The following JRK variants were observed in gnomAD, a reference collection of about 807,000 sequenced individuals.
The protein encoded by JRK is jerky protein homolog.
For synonymous variants in JRK, 303 were observed against 218.1 expected (o/e 1.39, Z -3.43); for missense variants, 720 against 509.2 (o/e 1.41, Z -3.98).
Position 142,663,671 on chromosome 8 carries a change from G to T in JRK, c.*681C>A. 1 of 985,466 alleles carries T rather than the reference G, an allele frequency of 1.0e-6. No homozygotes were observed. Among genetic ancestry groups the T allele is most frequent in the Non-Finnish European group, 1.2e-6 (1 of 829,956 alleles). The allele number at this position is 985,466 out of a possible 1,614,324, so 61.0% of individuals were successfully genotyped here. A position where few individuals can be genotyped will look rare whatever the true frequency, so the allele number is the denominator to read the frequency against. Reference sequence around the variant, plus strand: ...AGGAACTCTACCAAGTCAACTCTCCGTGGGGCCCCCCAACATCTTGGGGCC... The same window carrying T: ...AGGAACTCTACCAAGTCAACTCTCCTTGGGGCCCCCCAACATCTTGGGGCC... On this transcript the variant is annotated 3_prime_UTR_variant, in exon 2 of 2. Coordinates refer to ENST00000612905, the MANE Select transcript of JRK (RefSeq NM_003724.4).
Position 142,663,599 on chromosome 8 carries a change from G to A in JRK, c.*753C>T, listed in dbSNP as rs1029743558. ...CACACAGGGTCCGTGTCCTCTATCC[G>A]GGTGATGAGCAGGGCCTGGTCAGCC... On this transcript the variant is annotated 3_prime_UTR_variant, in exon 2 of 2. Transcript: ENST00000612905. The A allele has an allele frequency of 1.4e-5, 14 of 985,324 alleles. No homozygotes were observed. In the South Asian group the frequency reaches 1.9e-4, roughly 13 times the overall value. The allele number at this position is 985,324 out of a possible 1,614,324, so 61.0% of individuals were successfully genotyped here. A position where few individuals can be genotyped will look rare whatever the true frequency, so the allele number is the denominator to read the frequency against.
rs904677419 is a variant in JRK at position 142,660,051 on chromosome 8, G to A, written c.*4301C>T. The stretch of plus-strand genomic sequence containing the variant: ...GGGCTCATGTGGGAGGCTGGTGGCT[G>A]CCATGGCTGCAGCTCCTGGCCCTGC... On this transcript the variant is annotated 3_prime_UTR_variant, in exon 2 of 2. Transcript: ENST00000612905. 3 of 985,772 alleles carry A rather than the reference G, an allele frequency of 3.0e-6. No individual in the cohort carries two copies. The highest frequency in any genetic ancestry group is 3.6e-6 in the Non-Finnish European group (3 of 830,258). 61.1% of individuals were successfully genotyped at this position (985,772 alleles called of 1,614,324 possible).
In JRK at chr8:142,662,673, C is replaced by T. The variant is rs587772800; in HGVS notation, c.*1679G>A. The T allele has an allele frequency of 1.5e-5, 15 of 985,396 alleles. No homozygotes were observed. The South Asian group carries it at 6.6e-4, about 43-fold the overall frequency. 61.0% of individuals were successfully genotyped at this position (985,396 alleles called of 1,614,324 possible). ...AGGGCTCTGTCAGCAATGACTTTTG[C>T]CCCTGTATCTACAGAGATGTGAAAG... On this transcript the variant is annotated 3_prime_UTR_variant, in exon 2 of 2. Coordinates refer to ENST00000612905, the MANE Select transcript of JRK (RefSeq NM_003724.4).
Position 142,665,538 on chromosome 8 carries a change from G to C in JRK, c.521C>G (p.Ala174Gly). Reference sequence around the variant, plus strand: ...CTGCTCGGCGGACAGCCCGTGCTCAGCAGCCAAGCTCCTGAAAAACGCACA... The same window carrying C: ...CTGCTCGGCGGACAGCCCGTGCTCACCAGCCAAGCTCCTGAAAAACGCACA... ...QFCAFFRSLA[A>G]EHGLSAEQVY... Residue 174 changes from alanine to glycine, a missense_variant, in exon 2 of 2, where the codon GCT (alanine) becomes GGT (glycine). Coordinates refer to ENST00000612905, the MANE Select transcript of JRK (RefSeq NM_003724.4). 1 of 718,296 alleles carries C rather than the reference G, an allele frequency of 1.4e-6. No homozygotes were observed. Among genetic ancestry groups the C allele is most frequent in the South Asian group, 1.5e-5 (1 of 67,612 alleles). 44.5% of individuals were successfully genotyped at this position (718,296 alleles called of 1,614,324 possible). A position where few individuals can be genotyped will look rare whatever the true frequency, so the allele number is the denominator to read the frequency against.
chr8:142,650,007 G>A, the JRK span, among the ~76,000 whole-genome samples: 2 of 152,376 alleles, frequency 1.3e-5, no homozygotes, highest in Non-Finnish European at 2.9e-5. Flanking sequence ...CAGGGGCGGA[G>A]CTGCCCAAGA....
At chr8:142,656,516 T>A (rs185524167), downstream of JRK, among the ~76,000 whole-genome samples, 106 of 126,690 alleles carry the variant, frequency 8.4e-4, no homozygotes, top group African/African-American at 2.7e-3. Context: ...TTGGGCTCCT[T>A]TGAAGGGATA....
In JRK at chr8:142,661,642, A is replaced by G. The variant is rs1265398478; in HGVS notation, c.*2710T>C. On this transcript the variant is annotated 3_prime_UTR_variant, in exon 2 of 2. Coordinates refer to ENST00000612905, the MANE Select transcript of JRK (RefSeq NM_003724.4). ...AGATAAAACGCGGAGGCATTTAAAC[A>G]GGACCAGAGACTTTCTCGCTCTGCT... 2.0e-6 allele frequency: 2 copies of G among 985,316 alleles called. No individual in the cohort carries two copies. The highest frequency in any genetic ancestry group is 2.4e-6 in the Non-Finnish European group (2 of 829,968). The allele number at this position is 985,316 out of a possible 1,614,324, so 61.0% of individuals were successfully genotyped here.
At chr8:142,651,744 C>T in the JRK span, among the ~76,000 whole-genome samples, 1 of 152,174 alleles carries the variant, frequency 6.6e-6, no homozygotes, top group African/African-American at 2.4e-5. Context: ...TATATCATTA[C>T]TGAGTGCTCT....
At chr8:142,649,374 T>C in the JRK span, among the ~76,000 whole-genome samples, 1 of 152,178 alleles carries the variant, frequency 6.6e-6, no homozygotes, top group South Asian at 2.1e-4. Context: ...GAGGTAATTG[T>C]ATCATGGGGG....
Position 142,661,408 on chromosome 8 carries a change from G to A in JRK, c.*2944C>T, listed in dbSNP as rs757225782. ...CTGCCTGTCCCGAGTGAGGACACAG[G>A]AGCGCCCTCAGGCCTGAGCACTCAG... On this transcript the variant is annotated 3_prime_UTR_variant, in exon 2 of 2. Transcript: ENST00000612905. The A allele has an allele frequency of 3.8e-5, 37 of 985,330 alleles. No homozygotes were observed. The highest frequency in any genetic ancestry group is 4.3e-5 in the Non-Finnish European group (36 of 829,956). The allele number at this position is 985,330 out of a possible 1,614,324, so 61.0% of individuals were successfully genotyped here. A position where few individuals can be genotyped will look rare whatever the true frequency, so the allele number is the denominator to read the frequency against.
At chr8:142,648,487 G>C in the JRK span, among the ~76,000 whole-genome samples, 1 of 152,218 alleles carries the variant, frequency 6.6e-6, no homozygotes, top group Non-Finnish European at 1.5e-5. Flanking sequence ...GGCCAACATA[G>C]AGCTCAGGTC....
In JRK at chr8:142,665,463, G is replaced by C. The variant is rs1554635718; in HGVS notation, c.596C>G (p.Pro199Arg). The C allele has an allele frequency of 1.4e-6, 1 of 717,840 alleles. No homozygotes were observed. The highest frequency in any genetic ancestry group is 2.6e-6 in the Non-Finnish European group (1 of 385,096). 44.5% of individuals were successfully genotyped at this position (717,840 alleles called of 1,614,324 possible). The part of the protein sequence containing the change: ...TGLFWRCLPN[P>R]TPEGGAVPGP... ...AGGCACAGCCCCGCCTTCCGGAGTG[G>C]GATTTGGCAGGCACCGCCAGAAAAG... Residue 199 changes from proline to arginine, a missense_variant, in exon 2 of 2, where the codon CCC becomes CGC. Pro to Arg is a moderately radical substitution (Grantham distance 103, BLOSUM62 -2). Coordinates refer to ENST00000612905, the MANE Select transcript of JRK (RefSeq NM_003724.4).
chr8:142,660,478 G>A lies in JRK; in HGVS notation c.*3874C>T, dbSNP rs782161424. ...TGGAGTGCAGAGGCCATAACTCACTGCAGCCTCAAACTCCTGGGCTTGGGG... is the reference window on the plus strand; with the variant it reads ...TGGAGTGCAGAGGCCATAACTCACTACAGCCTCAAACTCCTGGGCTTGGGG... On this transcript the variant is annotated 3_prime_UTR_variant, in exon 2 of 2. Coordinates refer to ENST00000612905, the MANE Select transcript of JRK (RefSeq NM_003724.4). The A allele has an allele frequency of 1.9e-5, 18 of 939,816 alleles. No homozygotes were observed. The highest frequency in any genetic ancestry group is 2.3e-5 in the Non-Finnish European group (18 of 788,428). The allele number at this position is 939,816 out of a possible 1,614,324, so 58.2% of individuals were successfully genotyped here. A position where few individuals can be genotyped will look rare whatever the true frequency, so the allele number is the denominator to read the frequency against.
chr8:142,655,749 G>A (rs587710272), downstream of JRK, among the ~76,000 whole-genome samples: 82 of 152,334 alleles, frequency 5.4e-4, no homozygotes, highest in South Asian at 0.012. Flanking sequence ...CCCACTAAGC[G>A]CGTTCTGCCT....
At position 142,658,715 on chromosome 8, in the gene JRK, G is replaced by A. The variant is rs1554634067; in HGVS notation, c.*5637C>T. ...GGGTTTCAACATATAAACTTTGGGG[G>A]GGGACACAAACATGCAGTCCTTAAC... On this transcript the variant is annotated 3_prime_UTR_variant, in exon 2 of 2. Transcript: ENST00000612905. 8 of 1,394,228 alleles carry A rather than the reference G, an allele frequency of 5.7e-6. No individual in the cohort carries two copies. Among genetic ancestry groups the A allele is most frequent in the Non-Finnish European group, 6.6e-6 (7 of 1,059,094 alleles). 86.4% of individuals were successfully genotyped at this position (1,394,228 alleles called of 1,614,324 possible).
rs192306803 is a variant in JRK at position 142,661,622 on chromosome 8, A to G, written c.*2730T>C. 5.8e-4 allele frequency: 575 copies of G among 985,414 alleles called. 1 individual carries two copies. The African/African-American group carries it at 8.0e-3, about 14-fold the overall frequency. The allele number at this position is 985,414 out of a possible 1,614,324, so 61.0% of individuals were successfully genotyped here. A position where few individuals can be genotyped will look rare whatever the true frequency, so the allele number is the denominator to read the frequency against. ...GGCTCCAGCCTGGTGCTCACAGATAAAACGCGGAGGCATTTAAACAGGACC... is the reference window on the plus strand; with the variant it reads ...GGCTCCAGCCTGGTGCTCACAGATAGAACGCGGAGGCATTTAAACAGGACC... On this transcript the variant is annotated 3_prime_UTR_variant, in exon 2 of 2. Transcript: ENST00000612905.
chr8:142,650,003 C>T, the JRK span, among the ~76,000 whole-genome samples: 1,524 of 152,348 alleles, frequency 0.01, 28 homozygotes, highest in African/African-American at 0.034. Context: ...ACCACAGGGG[C>T]GGAGCTGCCC....
chr8:142,669,197 T>TGCGC (rs1554636837), intron 1 of JRK, among the ~76,000 whole-genome samples: 2 of 56,784 alleles, frequency 3.5e-5, no homozygotes, highest in African/African-American at 2.0e-4. Context: ...TGTGTGTGTG[T>TGCGC]GTGCGTGTGT....
downstream of JRK, among the ~76,000 whole-genome samples, chr8:142,653,442 T>C (rs587687436): frequency 6.6e-6 from 1 of 152,176 alleles, no homozygotes; most frequent in South Asian, 2.1e-4. Context: ...GGCAGAATCA[T>C]GGCACAGTGT....
Sources: gnomAD v4.1 joint callset for allele counts (sites outside exome capture counted in the v4.1 genomes callset) on GRCh38, gnomAD v4.1.1 for gene constraint, MANE v1.5 for transcripts, NCBI Gene and HGNC (gene_info 2026-07-23, HGNC 2026-07-21) for gene names.